Variants in CFAP77 observed in about 807,000 individuals in gnomAD.
CFAP77 encodes cilia and flagella associated protein 77.
Under a neutral mutation model 31.1 loss-of-function variants are expected in CFAP77, and 25 were observed. The ratio of observed to expected loss-of-function variants is 0.80; its 90% confidence interval spans 0.59 to 1.12. CFAP77 has a LOEUF of 1.12. Ranked by LOEUF, CFAP77 falls within the 50% of genes most tolerant of loss-of-function variation. The pLI is 0.00. For synonymous variants in CFAP77, 151 were observed against 159.9 expected (o/e 0.94, Z 0.42); for missense variants, 377 against 397.3 (o/e 0.95, Z 0.44).
At chr9:132,542,585 G>A (rs1852663536) in intron 4 of CFAP77, among the ~76,000 whole-genome samples, 2 of 152,220 alleles carry the variant, frequency 1.3e-5, no homozygotes, top group Admixed American at 6.5e-5. Flanking sequence ...AAACACCATG[G>A]AGTCCTGGGG....
At chr9:132,460,816 C>T (rs1266294620) in intron 1 of CFAP77, among the ~76,000 whole-genome samples, 1 of 152,194 alleles carries the variant, frequency 6.6e-6, no homozygotes, top group African/African-American at 2.4e-5. Context: ...ACCTCCGCCT[C>T]CTGGGTTCAA....
chr9:132,537,933 C>T (rs780432122), intron 4 of CFAP77, among the ~76,000 whole-genome samples: 8 of 152,104 alleles, frequency 5.3e-5, no homozygotes, highest in East Asian at 1.9e-4. Context: ...GAGATGGGTC[C>T]GGGCCATCAG....
chr9:132,484,228 G>A (rs897832486), intron 1 of CFAP77, among the ~76,000 whole-genome samples: 2 of 152,082 alleles, frequency 1.3e-5, no homozygotes, highest in Non-Finnish European at 2.9e-5. Flanking sequence ...GTGAGCCACT[G>A]CACCTGGCCT....
Position 132,480,183 on chromosome 9 carries a change from C to T in CFAP77, c.196-18512C>T, listed in dbSNP as rs1006733762. ...CCTGGACCGCCCTCCCCAGGAGCCA[C>T]CAGACTCCCTCTTGCTCCTGGTCCC... On this transcript the variant is annotated intron_variant, in intron 1 of 5. Transcript: ENST00000393216. This position sits in a 1 kb window ranked among gnomAD's most constrained non-coding sequence, Gnocchi z 5.8. Among the ~76,000 whole-genome samples the T allele has an allele frequency of 6.6e-6, 1 of 152,174 alleles. No homozygotes were observed. Among genetic ancestry groups the T allele is most frequent in the Non-Finnish European group, 1.5e-5 (1 of 68,010 alleles).
intron 3 of CFAP77, among the ~76,000 whole-genome samples, chr9:132,523,276 AC>A (rs1221005171): frequency 1.3e-5 from 2 of 151,818 alleles, no homozygotes; most frequent in Non-Finnish European, 2.9e-5. Context: ...TTTAGTAGAG[AC>A]AGGGTTTCGC....
At chr9:132,438,445 A>G (rs1428688108) in intron 1 of CFAP77, among the ~76,000 whole-genome samples, 2 of 149,974 alleles carry the variant, frequency 1.3e-5, no homozygotes. Flanking sequence ...AGGAAAATGT[A>G]ATATACTTCC....
intron 5 of CFAP77, among the ~76,000 whole-genome samples, chr9:132,560,189 G>T (rs1852970933): frequency 6.6e-6 from 1 of 152,182 alleles, no homozygotes; most frequent in Non-Finnish European, 1.5e-5. Flanking sequence ...TTTTTAAAAA[G>T]AGTCACTTTA....
intron 1 of CFAP77, among the ~76,000 whole-genome samples, chr9:132,423,189 A>G (rs1850253170): frequency 6.6e-6 from 1 of 152,214 alleles, no homozygotes; most frequent in Admixed American, 6.5e-5. Flanking sequence ...CTACTCTTCT[A>G]AAAGGAAAGC....
intron 3 of CFAP77, among the ~76,000 whole-genome samples, chr9:132,507,181 C>T (rs771061469): frequency 1.3e-5 from 2 of 152,238 alleles, no homozygotes; most frequent in South Asian, 2.1e-4. Flanking sequence ...CCAGAACTTT[C>T]ACCACGCTGG....
At chr9:132,486,086 A>T (rs1308587805) in intron 1 of CFAP77, among the ~76,000 whole-genome samples, 1,896 of 17,490 alleles carry the variant, frequency 0.11, 373 homozygotes, top group African/African-American at 0.28. Context: ...ATATATATAT[A>T]TATATTTTTT....
rs188892999 is a variant in CFAP77 at position 132,551,047 on chromosome 9, T to A, written c.732+8000T>A. ...GGAAAGTAAGACAATGGGGAGGTTTTATGAAGACCGACTCTGTCTTCTTCC... is the reference window on the plus strand; with the variant it reads ...GGAAAGTAAGACAATGGGGAGGTTTAATGAAGACCGACTCTGTCTTCTTCC... On this transcript the variant is annotated intron_variant, in intron 5 of 5. Coordinates refer to ENST00000393216, the MANE Select transcript of CFAP77 (RefSeq NM_001282957.2). Among the ~76,000 whole-genome samples, 19 of 152,214 alleles carry A rather than the reference T, an allele frequency of 1.2e-4. 1 individual carries two copies. In the East Asian group the frequency reaches 2.5e-3, roughly 20 times the overall value.
intron 3 of CFAP77, among the ~76,000 whole-genome samples, chr9:132,526,527 C>T (rs576667213): frequency 4.2e-5 from 6 of 142,090 alleles, no homozygotes; most frequent in South Asian, 4.6e-4. Context: ...CCACAGCGCC[C>T]GACCGGCAGT....
At chr9:132,509,361 T>A (rs989859917) in intron 3 of CFAP77, among the ~76,000 whole-genome samples, 3 of 152,168 alleles carry the variant, frequency 2.0e-5, no homozygotes, top group Non-Finnish European at 4.4e-5. Context: ...CCGGGCTACC[T>A]CTGCTGGGGC....
At chr9:132,569,792 G>A (rs139412286) in intron 5 of CFAP77, among the ~76,000 whole-genome samples, 1 of 144,954 alleles carries the variant, frequency 6.9e-6, no homozygotes, top group Non-Finnish European at 1.5e-5. Flanking sequence ...CTGGAGTGCA[G>A]TGGCACAATC....
chr9:132,479,174 C>T (rs1477140723), intron 1 of CFAP77, among the ~76,000 whole-genome samples: 1 of 152,176 alleles, frequency 6.6e-6, no homozygotes, highest in African/African-American at 2.4e-5. Flanking sequence ...AGCAATTATG[C>T]CACATACTCA....
chr9:132,475,820 C>T (rs148471085), intron 1 of CFAP77, among the ~76,000 whole-genome samples: 195 of 152,306 alleles, frequency 1.3e-3, no homozygotes, highest in Non-Finnish European at 2.5e-3. Flanking sequence ...CCATCCTGTG[C>T]GCACTGGTAG....
chr9:132,460,517 G>A (rs1000431777), intron 1 of CFAP77, among the ~76,000 whole-genome samples: 1 of 152,112 alleles, frequency 6.6e-6, no homozygotes, highest in Non-Finnish European at 1.5e-5. Flanking sequence ...AGATCCAAAG[G>A]ACACATATTA....
intron 3 of CFAP77, among the ~76,000 whole-genome samples, chr9:132,516,550 G>A (rs763032068): frequency 2.6e-5 from 4 of 151,006 alleles, no homozygotes; most frequent in Non-Finnish European, 5.9e-5. Context: ...GACTATGGTG[G>A]TGGATACATA....
intron 1 of CFAP77, among the ~76,000 whole-genome samples, chr9:132,439,629 G>C (rs1356916890): frequency 1.3e-5 from 2 of 152,030 alleles, no homozygotes; most frequent in East Asian, 3.9e-4. Flanking sequence ...GGCAGATCAC[G>C]AGGTCAGGAG....
Sources: allele counts gnomAD v4.1 joint callset (sites outside exome capture counted in the v4.1 genomes callset), GRCh38; gene constraint gnomAD v4.1.1; non-coding constraint Gnocchi (gnomAD v3.1); transcripts MANE v1.5; gene names NCBI Gene and HGNC (gene_info 2026-07-23, HGNC 2026-07-21).